The following ZNF654 variants were observed in gnomAD, a reference collection of about 807,000 sequenced individuals.
The protein encoded by ZNF654 is zinc finger protein 654, also known as melanoma-associated antigen.
In ZNF654, 19 loss-of-function variants were observed where a neutral mutation model predicts 95.3. That is an observed-to-expected ratio of 0.20 (90% confidence interval 0.14 to 0.29). The LOEUF (loss-of-function observed/expected upper bound fraction) is 0.29. Ranked by LOEUF, ZNF654 falls within the 10% of genes least tolerant of loss-of-function variation. ZNF654 has a pLI of 1.00. For missense variants in ZNF654, 1,046 were observed against 1,341.0 expected (o/e 0.78, Z 3.44); for synonymous variants, 413 against 457.9 (o/e 0.90, Z 1.25).
chr3:88,061,463 C>G (rs1343684054), intron 1 of ZNF654, among the ~76,000 whole-genome samples: 8 of 152,148 alleles, frequency 5.3e-5, no homozygotes, highest in Admixed American at 3.9e-4. Context: ...GACATACTTT[C>G]ATGTTACCAA....
intron 3 of ZNF654, among the ~76,000 whole-genome samples, chr3:88,118,748 G>T (rs570124432): frequency 1.3e-5 from 2 of 152,282 alleles, no homozygotes; most frequent in African/African-American, 4.8e-5. Flanking sequence ...TTTCAAAACT[G>T]TGCTACCATA....
In ZNF654 at chr3:88,120,380, A is replaced by G. The variant is rs73844881; in HGVS notation, c.415-5754A>G. On this transcript the variant is annotated intron_variant, in intron 3 of 8. Coordinates refer to ENST00000636215, the MANE Select transcript of ZNF654 (RefSeq NM_001350134.2). The stretch of plus-strand genomic sequence containing the variant: ...TTTATACTGCTATCTTGAGAGCTTT[A>G]TTGTCTAAGCTTTTAAAACCTTCTA... Among the ~76,000 whole-genome samples the G allele has an allele frequency of 3.0e-3, 464 of 152,294 alleles. 3 individuals are homozygous for G. Among genetic ancestry groups the G allele is most frequent in the African/African-American group, 0.011 (445 of 41,570 alleles).
In ZNF654 at chr3:88,139,562, G is replaced by T; in HGVS notation, c.1893G>T (p.Gly631=). The change falls in exon 8 of 9, where the codon GGG becomes GGT. Residue 631 remains glycine (G), a synonymous_variant. Transcript: ENST00000636215. The part of the protein sequence containing the change: ...CSSSSISFEN[G]NSDSKDLEVE... ...GTTCTTCCATTTCATTTGAAAATGG[G>T]AATTCTGATAGTAAGGATTTGGAAG... 6.2e-7 allele frequency: 1 copy of T among 1,613,556 alleles called. No homozygotes were observed. The highest frequency in any genetic ancestry group is 8.5e-7 in the Non-Finnish European group (1 of 1,179,752).
chr3:88,068,657 A>G (rs893233323), intron 1 of ZNF654, among the ~76,000 whole-genome samples: 13 of 152,172 alleles, frequency 8.5e-5, no homozygotes, highest in Non-Finnish European at 1.9e-4. Flanking sequence ...TGCTGTATAT[A>G]TGTATATAAC....
At position 88,141,646 on chromosome 3, in the gene ZNF654, T is replaced by C. The variant is rs1314233121; in HGVS notation, c.3381T>C (p.Ser1127=). The C allele has an allele frequency of 2.6e-6, 4 of 1,509,592 alleles. No homozygotes were observed. In the African/African-American group the frequency reaches 4.1e-5, roughly 15 times the overall value. The allele number at this position is 1,509,592 out of a possible 1,614,324, so 93.5% of individuals were successfully genotyped here. A position where few individuals can be genotyped will look rare whatever the true frequency, so the allele number is the denominator to read the frequency against. The change falls in exon 9 of 9, where the codon AGT becomes AGC. Residue 1127 remains serine, a splice_region_variant and synonymous_variant. Coordinates refer to ENST00000636215, the MANE Select transcript of ZNF654 (RefSeq NM_001350134.2). ...TAACAGATGTGTTCTGTTTTACAGG[T>C]GCCTGATGAAAACGGTTCAGAAAGA... The part of the protein sequence containing the change: ...TLFGFDSDDE[S]A
At chr3:88,078,537 C>T (rs1052715439) in intron 1 of ZNF654, among the ~76,000 whole-genome samples, 4 of 152,022 alleles carry the variant, frequency 2.6e-5, no homozygotes, top group African/African-American at 9.6e-5. Flanking sequence ...ATTCTGTTTT[C>T]CAAAAAGGTA....
chr3:88,130,516 A>G (rs1037519148), intron 6 of ZNF654, among the ~76,000 whole-genome samples: 2 of 151,990 alleles, frequency 1.3e-5, no homozygotes, highest in Non-Finnish European at 1.5e-5. Context: ...CAGTGGTGCG[A>G]TCATGGCTCA....
intron 2 of ZNF654, among the ~76,000 whole-genome samples, chr3:88,092,217 A>G (rs896648335): frequency 2.2e-4 from 34 of 152,194 alleles, no homozygotes; most frequent in Non-Finnish European, 4.1e-4. Flanking sequence ...TATTTTATTT[A>G]AATATTTAAT....
chr3:88,135,015 T>C, intron 6 of ZNF654, 46 bp from the exon 7 acceptor site: 1 of 1,279,614 alleles, frequency 7.8e-7, no homozygotes, highest in Non-Finnish European at 1.0e-6. Context: ...TGTCTGTATT[T>C]GAATAAACTG....
rs1421845784 is a variant in ZNF654, at chr3:88,142,663, GA to G, written c.*1014del. On this transcript the variant is annotated 3_prime_UTR_variant, in exon 9 of 9. Coordinates refer to ENST00000636215, the MANE Select transcript of ZNF654 (RefSeq NM_001350134.2). Reference sequence around the variant, plus strand: ...AAAAATCAGCTAAGAATCAGGTTGAGAAATCATTCATTTTATTCTATTAGGA... The same window carrying G: ...AAAAATCAGCTAAGAATCAGGTTGAGAATCATTCATTTTATTCTATTAGGA... 2 of 152,268 alleles carry G rather than the reference GA, an allele frequency of 1.3e-5. No individual in the cohort carries two copies. Among genetic ancestry groups the G allele is most frequent in the Non-Finnish European group, 3.0e-5 (2 of 67,792 alleles). The allele number at this position is 152,268 out of a possible 1,614,324, so 9.4% of individuals were successfully genotyped here.
At chr3:88,098,218 C>G (rs1258232930) in intron 2 of ZNF654, among the ~76,000 whole-genome samples, 2 of 152,186 alleles carry the variant, frequency 1.3e-5, no homozygotes, top group Non-Finnish European at 2.9e-5. Flanking sequence ...CACAAATAAA[C>G]TAGAAAATCT....
intron 2 of ZNF654, among the ~76,000 whole-genome samples, chr3:88,109,146 T>TGTGG (rs1392585155): frequency 1.4e-5 from 2 of 145,920 alleles, no homozygotes; most frequent in African/African-American, 5.3e-5. Context: ...GGCACTAGTG[T>TGTGG]GTGTGTGTGT....
At chr3:88,100,262 A>C (rs1704329095) in intron 2 of ZNF654, among the ~76,000 whole-genome samples, 1 of 152,190 alleles carries the variant, frequency 6.6e-6, no homozygotes. Flanking sequence ...GCAAATCAAA[A>C]CCACAATGAG....
intron 3 of ZNF654, among the ~76,000 whole-genome samples, chr3:88,125,412 T>C (rs1441807836): frequency 1.3e-5 from 2 of 152,312 alleles, no homozygotes; most frequent in South Asian, 4.1e-4. Flanking sequence ...GCAGATTCTC[T>C]GAAAAACATT....
chr3:88,091,062 C>T (rs1708606780), intron 2 of ZNF654, among the ~76,000 whole-genome samples: 1 of 152,180 alleles, frequency 6.6e-6, no homozygotes, highest in African/African-American at 2.4e-5. Flanking sequence ...AGTACAGTAG[C>T]ATGCTATACA....
At chr3:88,099,628 T>C (rs1394305570) in intron 2 of ZNF654, among the ~76,000 whole-genome samples, 1 of 151,972 alleles carries the variant, frequency 6.6e-6, no homozygotes, top group African/African-American at 2.4e-5. Context: ...AAAACAGAGA[T>C]ACAGACCAAT....
At chr3:88,125,985 CA>C (rs1008020820) in intron 3 of ZNF654, 148 bp from the exon 4 acceptor site, 8 of 740,078 alleles carry the variant, frequency 1.1e-5, no homozygotes, top group Non-Finnish European at 9.8e-6. Context: ...GGGGTTTCGA[CA>C]CCCTACTTAG....
At chr3:88,106,540 G>T (rs191468074) in intron 2 of ZNF654, among the ~76,000 whole-genome samples, 4 of 151,916 alleles carry the variant, frequency 2.6e-5, no homozygotes, top group Non-Finnish European at 5.9e-5. Context: ...GGTTTCGTTC[G>T]CCATGTTGGC....
chr3:88,100,633 A>C (rs1009159326), intron 2 of ZNF654, among the ~76,000 whole-genome samples: 4 of 152,222 alleles, frequency 2.6e-5, no homozygotes, highest in African/African-American at 9.6e-5. Flanking sequence ...TGCAGCCATA[A>C]AAAGGATGAG....
Sources: allele counts gnomAD v4.1 joint callset (sites outside exome capture counted in the v4.1 genomes callset), GRCh38; gene constraint gnomAD v4.1.1; transcripts MANE v1.5; gene names NCBI Gene and HGNC (gene_info 2026-07-23, HGNC 2026-07-21).